ADCY9: variants seen among roughly 807,000 people sequenced by gnomAD.
ADCY9 encodes adenylate cyclase type 9.
A neutral mutation model predicts 101.5 loss-of-function variants in ADCY9; 50 were observed. The ratio of observed to expected loss-of-function variants is 0.49; its 90% CI spans 0.39 to 0.62. The LOEUF is 0.62. Among genes scored for constraint, ADCY9 ranks in the 20% least tolerant of loss-of-function variants. ADCY9 has a pLI of 0.00. For synonymous variants in ADCY9, 905 were observed against 769.3 expected (o/e 1.18, Z -2.92); for missense variants, 1,662 against 1,800.4 (o/e 0.92, Z 1.39).
At chr16:4,079,856 TG>T (rs1475775577) in intron 2 of ADCY9, among the ~76,000 whole-genome samples, 9 of 152,214 alleles carry the variant, frequency 5.9e-5, no homozygotes, top group South Asian at 2.1e-4. Context: ...AGTTGGTAAA[TG>T]TTTTTTTAAT....
intron 2 of ADCY9, among the ~76,000 whole-genome samples, chr16:4,020,556 TC>T (rs1342237262): frequency 6.6e-6 from 1 of 152,128 alleles, no homozygotes; most frequent in Non-Finnish European, 1.5e-5. Context: ...GCGTGGTGGC[TC>T]ACGTCTGTAA....
Position 4,115,127 on chromosome 16 carries a change from C to T in ADCY9, c.316G>A (p.Glu106Lys), listed in dbSNP as rs1379046528. The T allele has an allele frequency of 3.1e-6, 5 of 1,613,748 alleles. No homozygotes were observed. In the Admixed American group the frequency reaches 8.3e-5, roughly 27 times the overall value. ...DSVNLEEACL[E>K]RCFPQTQRRF... ...CGCTGGGTCTGCGGGAAGCAGCGCT[C>T]CAGGCAGGCCTCCTCCAGGTTCACC... is the stretch of plus-strand genomic sequence containing the variant. Residue 106 changes from glutamate to lysine, a missense_variant, in exon 2 of 11, where the codon GAG becomes AAG. Coordinates refer to ENST00000294016, the MANE Select transcript of ADCY9 (RefSeq NM_001116.4). The surrounding 1 kb of genome is among the most constrained non-coding windows in gnomAD (Gnocchi z 6.2).
chr16:3,963,680 A>G lies in ADCY9; in HGVS notation c.*2095T>C. On this transcript the variant is annotated 3_prime_UTR_variant, in exon 11 of 11. Coordinates refer to ENST00000294016, the MANE Select transcript of ADCY9 (RefSeq NM_001116.4). The stretch of plus-strand genomic sequence containing the variant: ...TTGCGGAGCATGTTCTGAGCGAGAC[A>G]GCAAGGTCGTGAGCAAACGCCCAGC... 1 of 255,816 alleles carries G rather than the reference A, an allele frequency of 3.9e-6. No individual in the cohort carries two copies. The allele number at this position is 255,816 out of a possible 1,614,324, so 15.8% of individuals were successfully genotyped here. A position where few individuals can be genotyped will look rare whatever the true frequency, so the allele number is the denominator to read the frequency against.
At chr16:4,022,801 T>C (rs1013977464) in intron 2 of ADCY9, among the ~76,000 whole-genome samples, 1 of 152,132 alleles carries the variant, frequency 6.6e-6, no homozygotes, top group African/African-American at 2.4e-5. Context: ...CTCTAAAATA[T>C]AAATTAATAA....
At chr16:4,055,537 A>C (rs1384672982) in intron 2 of ADCY9, among the ~76,000 whole-genome samples, 1 of 151,576 alleles carries the variant, frequency 6.6e-6, no homozygotes, top group East Asian at 1.9e-4. Flanking sequence ...CTGTCTCAAA[A>C]AGGAAAAAAA....
chr16:4,048,664 C>A (rs182574939), intron 2 of ADCY9, among the ~76,000 whole-genome samples: 1 of 152,298 alleles, frequency 6.6e-6, no homozygotes, highest in Admixed American at 6.5e-5. Flanking sequence ...ATAGGAGACA[C>A]AGCGATGCCC....
chr16:4,005,661 A>G (rs1365307213), intron 3 of ADCY9, among the ~76,000 whole-genome samples: 1 of 152,206 alleles, frequency 6.6e-6, no homozygotes, highest in East Asian at 1.9e-4. Flanking sequence ...ACTAGAGTGC[A>G]ATGTAGTGTA....
intron 2 of ADCY9, among the ~76,000 whole-genome samples, chr16:4,061,193 A>G (rs1489639543): frequency 6.6e-6 from 1 of 152,098 alleles, no homozygotes; most frequent in Non-Finnish European, 1.5e-5. Flanking sequence ...AAAGAAAAAT[A>G]AAAAGAACCT....
chr16:4,075,757 G>A (rs1157381328), intron 2 of ADCY9, among the ~76,000 whole-genome samples: 2 of 152,176 alleles, frequency 1.3e-5, no homozygotes, highest in Non-Finnish European at 2.9e-5. Context: ...GGGGGGGCCA[G>A]GCGGGAGGGC....
At chr16:4,083,951 T>A (rs189170397) in intron 2 of ADCY9, among the ~76,000 whole-genome samples, 14 of 152,226 alleles carry the variant, frequency 9.2e-5, no homozygotes, top group African/African-American at 3.1e-4. Context: ...GTATAGGAAC[T>A]GTACACTTAA....
At chr16:4,006,086 C>T (rs1292374458) in intron 3 of ADCY9, among the ~76,000 whole-genome samples, 1 of 152,202 alleles carries the variant, frequency 6.6e-6, no homozygotes, top group African/African-American at 2.4e-5. Flanking sequence ...GGTCCAACAC[C>T]ACTGTCCCGG....
At chr16:3,985,388 G>A (rs1597145444) in intron 6 of ADCY9, among the ~76,000 whole-genome samples, 2 of 152,000 alleles carry the variant, frequency 1.3e-5, no homozygotes, top group African/African-American at 2.4e-5. Context: ...TGCCTGCCTC[G>A]GCCTCCCAAA....
intron 2 of ADCY9, among the ~76,000 whole-genome samples, chr16:4,058,189 C>T (rs969898046): frequency 6.1e-5 from 9 of 147,924 alleles, no homozygotes; most frequent in Non-Finnish European, 1.5e-5. Flanking sequence ...TGAGGCTGGG[C>T]GCAGTGGCTC....
intron 2 of ADCY9, among the ~76,000 whole-genome samples, chr16:4,111,631 G>C (rs972101846): frequency 2.0e-5 from 3 of 152,124 alleles, no homozygotes; most frequent in Non-Finnish European, 4.4e-5. Context: ...TTTGTAAAAT[G>C]AGCTCAAGAA....
intron 2 of ADCY9, among the ~76,000 whole-genome samples, chr16:4,097,558 T>TATATATACA (rs1460628544): frequency 1.6e-4 from 15 of 92,442 alleles, no homozygotes; most frequent in African/African-American, 7.9e-4. Flanking sequence ...TATATATTTT[T>TATATATACA]TTTTTTTTTT....
chr16:4,007,388 T>C lies in ADCY9; in HGVS notation c.1864A>G (p.Lys622Glu). The change falls in exon 3 of 11, where the codon AAA becomes GAA. Residue 622 changes from lysine (K) to glutamate (E), a missense_variant. By Grantham distance (56) the Lys-to-Glu change is moderately conservative. Around this residue, in one of 5 missense-constraint regions of ADCY9, gnomAD observed 624 missense variants for 639.1 expected, o/e 0.98. Transcript: ENST00000294016. ...CTAACCTTAAGGTTATCAAAGGTTTTGACAGTCTGCGCCAAGTCACTGACA... is the reference window on the plus strand; with the variant it reads ...CTAACCTTAAGGTTATCAAAGGTTTCGACAGTCTGCGCCAAGTCACTGACA... Reference protein sequence around the residue: ...GNVSDLAQTVKTFDNLKTCPS... With the variant: ...GNVSDLAQTVETFDNLKTCPS... The C allele has an allele frequency of 2.5e-6, 4 of 1,581,246 alleles. No individual in the cohort carries two copies. Among genetic ancestry groups the C allele is most frequent in the Non-Finnish European group, 3.4e-6 (4 of 1,169,000 alleles).
rs571866038 is a variant in ADCY9 at position 3,980,347 on chromosome 16, C to T, written c.2520-1072G>A. Among the ~76,000 whole-genome samples, 92 of 152,306 alleles carry T rather than the reference C, an allele frequency of 6.0e-4. 1 individual carries two copies. Among genetic ancestry groups the T allele is most frequent in the African/African-American group, 2.1e-3 (86 of 41,566 alleles). On this transcript the variant is annotated intron_variant, in intron 7 of 10. Coordinates refer to ENST00000294016, the MANE Select transcript of ADCY9 (RefSeq NM_001116.4). ...CAAGAACCACTGTGAGGAGGAGGAA[C>T]AGGTCTTGGCTGAGTCCAAGGACCC...
At chr16:4,103,391 G>A (rs552509203) in intron 2 of ADCY9, among the ~76,000 whole-genome samples, 2 of 152,232 alleles carry the variant, frequency 1.3e-5, no homozygotes, top group Non-Finnish European at 2.9e-5. Context: ...GTTGACACTT[G>A]CAGTGACAGT....
In ADCY9 at chr16:3,992,410, C is replaced by T. The variant is rs758609872; in HGVS notation, c.1990-47G>A. On this transcript the variant is annotated intron_variant, in intron 4 of 10. Coordinates refer to ENST00000294016, the MANE Select transcript of ADCY9 (RefSeq NM_001116.4). The surrounding 1 kb of genome is among the most constrained non-coding windows in gnomAD (Gnocchi z 4.2). The stretch of plus-strand genomic sequence containing the variant: ...GCAGACACGGGAAGTGAAGTGGCAC[C>T]GGGCACTGGGCACACACGCCTGTCC... 53 of 1,561,072 alleles carry T rather than the reference C, an allele frequency of 3.4e-5. No homozygotes were observed. Among genetic ancestry groups the T allele is most frequent in the Middle Eastern group, 1.9e-4 (1 of 5,164 alleles).
Sources: allele counts gnomAD v4.1 joint callset (sites outside exome capture counted in the v4.1 genomes callset), GRCh38; gene constraint gnomAD v4.1.1; regional missense constraint gnomAD v4.1.1; non-coding constraint Gnocchi (gnomAD v3.1); transcripts MANE v1.5; gene names NCBI Gene and HGNC (gene_info 2026-07-23, HGNC 2026-07-21).